Variants in SHISA9 observed in about 807,000 individuals in gnomAD.
The protein encoded by SHISA9 is protein shisa-9.
In SHISA9, 13 loss-of-function variants were observed where a neutral mutation model predicts 38.0. The ratio of observed to expected loss-of-function variants is 0.34; its 90% confidence interval spans 0.22 to 0.54. The LOEUF (loss-of-function observed/expected upper bound fraction) is 0.54. Ranked by LOEUF, SHISA9 falls within the 20% of genes least tolerant of loss-of-function variation. SHISA9 has a pLI of 0.91. For synonymous variants in SHISA9, 275 were observed against 242.0 expected, an observed-to-expected ratio of 1.14 and a Z score of -1.27; for missense variants, 538 against 575.8, an observed-to-expected ratio of 0.93 and a Z score of 0.67.
intron 2 of SHISA9, among the ~76,000 whole-genome samples, chr16:13,168,897 G>A (rs1432274056): frequency 1.3e-5 from 2 of 152,242 alleles, no homozygotes; most frequent in Non-Finnish European, 2.9e-5. Flanking sequence ...GCCGACATGA[G>A]AACTGGAGAC....
chr16:13,115,677 C>T (rs1387496121), intron 2 of SHISA9, among the ~76,000 whole-genome samples: 3 of 152,150 alleles, frequency 2.0e-5, no homozygotes, highest in Admixed American at 6.5e-5. Context: ...GGCTTGCTCC[C>T]AACACCGTAT....
the SHISA9 span, among the ~76,000 whole-genome samples, chr16:13,419,737 G>A: frequency 6.6e-6 from 1 of 152,166 alleles, no homozygotes; most frequent in African/African-American, 2.4e-5. Context: ...CTCTGTTGTT[G>A]TAGCCAGGAG....
chr16:13,555,772 G>A, the SHISA9 span, among the ~76,000 whole-genome samples: 2 of 152,062 alleles, frequency 1.3e-5, no homozygotes, highest in Non-Finnish European at 2.9e-5. Flanking sequence ...TTTGTCCCAC[G>A]TTACTTAGAT....
At chr16:13,134,420 C>A (rs1404610903) in intron 2 of SHISA9, among the ~76,000 whole-genome samples, 2 of 152,056 alleles carry the variant, frequency 1.3e-5, no homozygotes, top group Non-Finnish European at 2.9e-5. Flanking sequence ...TGGGGATGAG[C>A]AAAATGGTTT....
intron 2 of SHISA9, among the ~76,000 whole-genome samples, chr16:12,927,408 A>G (rs1358958019): frequency 6.6e-6 from 1 of 151,918 alleles, no homozygotes; most frequent in African/African-American, 2.4e-5. Flanking sequence ...TTACTTACTT[A>G]TTTATCTGGT....
chr16:13,432,420 T>C, the SHISA9 span, among the ~76,000 whole-genome samples: 1 of 152,202 alleles, frequency 6.6e-6, no homozygotes, highest in South Asian at 2.1e-4. Flanking sequence ...AAGAAGAGAA[T>C]TGGAGGCCAA....
the SHISA9 span, among the ~76,000 whole-genome samples, chr16:13,264,269 G>A: frequency 6.6e-6 from 1 of 150,994 alleles, no homozygotes; most frequent in Non-Finnish European, 1.5e-5. Flanking sequence ...CCACCTTCCA[G>A]GTTACAGTGT....
chr16:13,126,069 A>G (rs949784369), intron 2 of SHISA9, among the ~76,000 whole-genome samples: 31 of 152,356 alleles, frequency 2.0e-4, no homozygotes, highest in African/African-American at 6.7e-4. Flanking sequence ...ACTCATTGAC[A>G]TATTCTAGCT....
At chr16:13,458,969 G>C in the SHISA9 span, among the ~76,000 whole-genome samples, 4 of 151,822 alleles carry the variant, frequency 2.6e-5, no homozygotes, top group Admixed American at 6.6e-5. Context: ...TCAGGTTCCA[G>C]AGATTCTCCT....
chr16:13,408,196 T>A, the SHISA9 span, among the ~76,000 whole-genome samples: 1 of 152,238 alleles, frequency 6.6e-6, no homozygotes, highest in Non-Finnish European at 1.5e-5. Context: ...AAGCCATTTT[T>A]ACACACTTGT....
At chr16:12,983,662 G>A (rs535647225) in intron 2 of SHISA9, among the ~76,000 whole-genome samples, 2 of 152,108 alleles carry the variant, frequency 1.3e-5, no homozygotes, top group Non-Finnish European at 2.9e-5. Context: ...CTAATTTTTT[G>A]TATTTCTAGT....
chr16:13,255,793 A>C, the SHISA9 span, among the ~76,000 whole-genome samples: 1 of 152,240 alleles, frequency 6.6e-6, no homozygotes, highest in Non-Finnish European at 1.5e-5. Context: ...AAAAGACTTA[A>C]GAAGACATGA....
intron 2 of SHISA9, among the ~76,000 whole-genome samples, chr16:12,955,115 A>G (rs2071811702): frequency 6.6e-6 from 1 of 151,874 alleles, no homozygotes; most frequent in South Asian, 2.1e-4. Flanking sequence ...GAGTTTTGTA[A>G]GCCTCCTTCT....
chr16:13,512,524 CA>C, the SHISA9 span, among the ~76,000 whole-genome samples: 1 of 151,358 alleles, frequency 6.6e-6, no homozygotes, highest in South Asian at 2.1e-4. Context: ...CATATGGAAC[CA>C]AAAAAAAGAG....
At chr16:13,231,767 G>C (rs554633519) in intron 4 of SHISA9, among the ~76,000 whole-genome samples, 1 of 152,276 alleles carries the variant, frequency 6.6e-6, no homozygotes, top group Admixed American at 6.5e-5. Context: ...AATGAATGAT[G>C]TCTAGCATAG....
the SHISA9 span, among the ~76,000 whole-genome samples, chr16:13,441,635 A>G: frequency 9.2e-5 from 14 of 152,166 alleles, no homozygotes; most frequent in African/African-American, 3.4e-4. Flanking sequence ...CATGTTTTCT[A>G]TAAGTGATTG....
chr16:13,268,589 T>G, the SHISA9 span, among the ~76,000 whole-genome samples: 1 of 152,132 alleles, frequency 6.6e-6, no homozygotes, highest in African/African-American at 2.4e-5. Context: ...ATGTTCCCCA[T>G]GTAGAGGAAA....
At position 13,069,418 on chromosome 16, in the gene SHISA9, GTGTGTA is replaced by G. The variant is rs770737785; in HGVS notation, c.692-133962_692-133957del. On this transcript the variant is annotated intron_variant, in intron 2 of 4. Transcript: ENST00000558583. ...GTGTGTACATACAATGTGTGCATGT[GTGTGTA>G]TGTGTATGTGTATATGTGTGTGTAC... Among the ~76,000 whole-genome samples, 931 of 152,232 alleles carry G rather than the reference GTGTGTA, an allele frequency of 6.1e-3. 6 individuals are homozygous for G. Among genetic ancestry groups the G allele is most frequent in the African/African-American group, 0.02 (839 of 41,526 alleles).
chr16:13,226,384 G>C lies in SHISA9; in HGVS notation c.896-8646G>C, dbSNP rs76666470. On this transcript the variant is annotated intron_variant, in intron 4 of 4. Transcript: ENST00000558583. ...TGTGCTTCTCTAAGAGACCACCTGA[G>C]TCCTAGGGTGGGAGAATGGTTAGTT... Among the ~76,000 whole-genome samples the C allele has an allele frequency of 3.4e-3, 512 of 152,348 alleles. 5 individuals are homozygous for C. The highest frequency in any genetic ancestry group is 0.011 in the African/African-American group (468 of 41,586).
Sources: allele counts gnomAD v4.1 joint callset (sites outside exome capture counted in the v4.1 genomes callset), GRCh38; gene constraint gnomAD v4.1.1; transcripts MANE v1.5; gene names NCBI Gene and HGNC (gene_info 2026-07-23, HGNC 2026-07-21).